AP3B1: variants seen among roughly 807,000 people sequenced by gnomAD.
AP3B1 encodes the protein adaptor related protein complex 3 subunit beta 1, also known as AP-3 complex subunit beta-1.
Under a neutral mutation model 132.5 loss-of-function variants are expected in AP3B1, and 61 were observed. That is an observed-to-expected ratio of 0.46 (90% CI 0.37 to 0.57). The LOEUF is 0.57. Among genes scored for constraint, AP3B1 ranks in the 20% least tolerant of loss-of-function variants. AP3B1 has a pLI of 0.00. For missense variants in AP3B1, 1,120 were observed against 1,289.4 expected, an observed-to-expected ratio of 0.87 and a Z score of 2.01; for synonymous variants, 388 against 438.3, an observed-to-expected ratio of 0.89 and a Z score of 1.43.
chr5:78,087,456 T>C, intron 22 of AP3B1: 5 of 872,712 alleles, frequency 5.7e-6, no homozygotes, highest in Non-Finnish European at 6.9e-6. Context: ...ACACGTTCCA[T>C]TTTTCAGAGT....
chr5:78,003,457 A>G (rs1436925865), intron 26 of AP3B1: 2 of 797,760 alleles, frequency 2.5e-6, no homozygotes, highest in Non-Finnish European at 3.0e-6. Context: ...AAGAAAAGGT[A>G]CCTTTCTCAA....
At chr5:78,269,129 T>C (rs960734589) in intron 1 of AP3B1, among the ~76,000 whole-genome samples, 2 of 152,232 alleles carry the variant, frequency 1.3e-5, no homozygotes, top group Non-Finnish European at 2.9e-5. Flanking sequence ...AAATCTTAGA[T>C]ACTATTTTGT....
chr5:78,214,767 T>G (rs1186083893), intron 7 of AP3B1, among the ~76,000 whole-genome samples: 2 of 152,156 alleles, frequency 1.3e-5, no homozygotes, highest in Admixed American at 1.3e-4. Flanking sequence ...AAAACTGTAC[T>G]TTGCTCAATG....
At chr5:78,225,686 T>C in intron 5 of AP3B1, 78 bp from the exon 6 acceptor site, 3 of 906,636 alleles carry the variant, frequency 3.3e-6, no homozygotes, top group Non-Finnish European at 5.2e-6. Context: ...TCAAGGATGT[T>C]GAGAAATTTT....
At chr5:78,200,433 G>T (rs150148531) in intron 7 of AP3B1, among the ~76,000 whole-genome samples, 1 of 152,088 alleles carries the variant, frequency 6.6e-6, no homozygotes, top group Admixed American at 6.6e-5. Context: ...TGAGGCAGGC[G>T]AATCACTTGA....
At chr5:78,080,683 C>G (rs575379290) in intron 22 of AP3B1, among the ~76,000 whole-genome samples, 1 of 141,410 alleles carries the variant, frequency 7.1e-6, no homozygotes, top group African/African-American at 2.6e-5. Flanking sequence ...TTTAGAGAAG[C>G]CTACTTTTCA....
chr5:78,109,970 C>A (rs889001490), intron 20 of AP3B1, among the ~76,000 whole-genome samples: 2 of 151,934 alleles, frequency 1.3e-5, no homozygotes, highest in African/African-American at 2.4e-5. Context: ...TCAGCAAAAC[C>A]CCCCCCTTGT....
At position 78,138,969 on chromosome 5, in the gene AP3B1, C is replaced by CAAAAA. The variant is rs34427836; in HGVS notation, c.1650+2169_1650+2173dup. 2.5e-4 allele frequency among the ~76,000 whole-genome samples: 10 copies of CAAAAA among 39,442 alleles called. 1 individual carries two copies. The highest frequency in any genetic ancestry group is 5.2e-4 in the African/African-American group (5 of 9,538). 25.9% of individuals were successfully genotyped at this position (39,442 alleles called of 152,430 possible). A position where few individuals can be genotyped will look rare whatever the true frequency, so the allele number is the denominator to read the frequency against. The stretch of plus-strand genomic sequence containing the variant: ...TGTGTGACAGAGGGAAACTCTGTCT[C>CAAAAA]AAAAAAAAAAAAAAAAAAAAACACT... On this transcript the variant is annotated intron_variant, in intron 15 of 26. Coordinates refer to ENST00000255194, the MANE Select transcript of AP3B1 (RefSeq NM_003664.5).
intron 2 of AP3B1, among the ~76,000 whole-genome samples, chr5:78,262,703 A>C (rs1748147206): frequency 6.7e-6 from 1 of 149,500 alleles, no homozygotes; most frequent in African/African-American, 2.5e-5. Flanking sequence ...TTTTTGAGAC[A>C]GGGTTTTGAG....
chr5:78,011,863 G>A (rs1746639039), intron 26 of AP3B1, among the ~76,000 whole-genome samples: 1 of 152,054 alleles, frequency 6.6e-6, no homozygotes, highest in African/African-American at 2.4e-5. Context: ...GGGTTAGAAC[G>A]AATACACTAA....
chr5:78,078,561 C>A (rs1749856930), intron 22 of AP3B1, among the ~76,000 whole-genome samples: 1 of 152,170 alleles, frequency 6.6e-6, no homozygotes, highest in African/African-American at 2.4e-5. Flanking sequence ...TCTGGCCATT[C>A]CCTGGGCTGA....
rs577678426 is a variant in AP3B1 at position 78,125,468 on chromosome 5, C to T, written c.1968+2562G>A. Among the ~76,000 whole-genome samples, 330 of 152,160 alleles carry T rather than the reference C, an allele frequency of 2.2e-3. 1 individual carries two copies. The highest frequency in any genetic ancestry group is 7.7e-3 in the African/African-American group (318 of 41,524). On this transcript the variant is annotated intron_variant, in intron 17 of 26. Transcript: ENST00000255194. ...CTAGAATAACATAGTATATTATATGCATGAAATACAGTGACATGACTTGGA... is the reference window on the plus strand; with the variant it reads ...CTAGAATAACATAGTATATTATATGTATGAAATACAGTGACATGACTTGGA...
chr5:78,116,908 C>T (rs997612932), intron 17 of AP3B1, among the ~76,000 whole-genome samples: 3 of 152,040 alleles, frequency 2.0e-5, no homozygotes, highest in African/African-American at 7.2e-5. Flanking sequence ...TCCTTTTTGG[C>T]CTGAAACCCT....
chr5:78,233,220 CTTTG>C (rs1746725335), intron 3 of AP3B1, among the ~76,000 whole-genome samples: 1 of 148,658 alleles, frequency 6.7e-6, no homozygotes, highest in Admixed American at 6.8e-5. Flanking sequence ...GTTCCTCAGC[CTTTG>C]TTTTTCTTTT....
At chr5:78,050,828 T>G (rs1561375153) in intron 22 of AP3B1, among the ~76,000 whole-genome samples, 1 of 152,186 alleles carries the variant, frequency 6.6e-6, no homozygotes, top group Non-Finnish European at 1.5e-5. Flanking sequence ...TATAAGCAAA[T>G]GATATAGGTC....
chr5:78,051,093 T>C (rs944883851), intron 22 of AP3B1, among the ~76,000 whole-genome samples: 3 of 152,184 alleles, frequency 2.0e-5, no homozygotes, highest in Admixed American at 6.5e-5. Flanking sequence ...ATGATGCCTG[T>C]AGATACACAG....
At chr5:78,266,307 G>C (rs1748321021) in intron 2 of AP3B1, among the ~76,000 whole-genome samples, 1 of 152,116 alleles carries the variant, frequency 6.6e-6, no homozygotes, top group Non-Finnish European at 1.5e-5. Context: ...TATGTATAGA[G>C]CATAACATTA....
chr5:78,117,741 T>C (rs1464681039), intron 17 of AP3B1, among the ~76,000 whole-genome samples: 1 of 152,236 alleles, frequency 6.6e-6, no homozygotes, highest in Non-Finnish European at 1.5e-5. Flanking sequence ...CTAAATATTG[T>C]ATTAGTAACA....
chr5:78,030,396 G>A (rs1000712808), intron 24 of AP3B1, among the ~76,000 whole-genome samples: 6 of 152,022 alleles, frequency 3.9e-5, no homozygotes, highest in Non-Finnish European at 7.4e-5. Flanking sequence ...TGAATCCTTC[G>A]CTGAAAAATG....
Sources: allele counts gnomAD v4.1 joint callset (sites outside exome capture counted in the v4.1 genomes callset), GRCh38; gene constraint gnomAD v4.1.1; transcripts MANE v1.5; gene names NCBI Gene and HGNC (gene_info 2026-07-23, HGNC 2026-07-21).